NRIP1: variants seen among roughly 807,000 people sequenced by gnomAD.
NRIP1 encodes the protein nuclear receptor interacting protein 1, also known as nuclear receptor-interacting protein 1.
Under a neutral mutation model 75.0 loss-of-function variants are expected in NRIP1, and 28 were observed. The observed-to-expected ratio is 0.37, with a 90% CI of 0.28 to 0.51. The LOEUF is 0.51. Ranked by LOEUF, NRIP1 falls within the 20% of genes least tolerant of loss-of-function variation. The pLI is 0.92. For synonymous variants in NRIP1, 526 were observed against 487.6 expected (o/e 1.08, Z -1.04); for missense variants, 1,435 against 1,343.7 (o/e 1.07, Z -1.06).
At chr21:15,040,279 G>C (rs1363225855) in intron 2 of NRIP1, among the ~76,000 whole-genome samples, 2 of 151,664 alleles carry the variant, frequency 1.3e-5, no homozygotes, top group Non-Finnish European at 2.9e-5. Flanking sequence ...GCAGATACTG[G>C]GTTAAATCAA....
In NRIP1 at chr21:14,967,553, T is replaced by C. The variant is rs796052182; in HGVS notation, c.640A>G (p.Arg214Gly). The C allele has an allele frequency of 1.1e-5, 17 of 1,614,072 alleles. No homozygotes were observed. In the East Asian group the frequency reaches 2.4e-4, roughly 23 times the overall value. The stretch of plus-strand genomic sequence containing the variant: ...ACATGATGAGGAGACTCTGCAAACC[T>C]ATCTCTGATGAGGTTTTTAGTCACA... ...PDVTKNLIRD[R>G]FAESPHHVGQ... The change falls in exon 4 of 4, where the codon AGG becomes GGG. Residue 214 changes from arginine to glycine, a missense_variant. Physicochemically the swap from Arg to Gly is moderately radical, Grantham distance 125 (BLOSUM62 -2). Coordinates refer to ENST00000318948, the MANE Select transcript of NRIP1 (RefSeq NM_003489.4).
Position 15,039,037 on chromosome 21 carries a change from A to G in NRIP1, c.-458+4458T>C, listed in dbSNP as rs149502163. On this transcript the variant is annotated intron_variant, in intron 2 of 3. Transcript: ENST00000318948. ...AGTGCTTGGAAAAAGAGAACAGCAT[A>G]AAGGAGAGAGGAAAAAGAGGAGGCT... 6.6e-4 allele frequency among the ~76,000 whole-genome samples: 101 copies of G among 152,250 alleles called. 2 individuals are homozygous for G. The East Asian group carries it at 0.018, about 26-fold the overall frequency.
At chr21:15,041,374 TG>T (rs1198131150) in intron 2 of NRIP1, among the ~76,000 whole-genome samples, 1 of 152,124 alleles carries the variant, frequency 6.6e-6, no homozygotes, top group Non-Finnish European at 1.5e-5. Context: ...ATAAGCCTTC[TG>T]GAGTAGGGTG....
Position 14,962,346 on chromosome 21 carries a change from G to C in NRIP1, c.*2370C>G, listed in dbSNP as rs959095475. On this transcript the variant is annotated 3_prime_UTR_variant, in exon 4 of 4. Transcript: ENST00000318948. ...TCAGAACAGCATTCTTCGTGGTCAT[G>C]TTTATTTAAGTATTACATATTCTCA... 1 of 152,082 alleles carries C rather than the reference G, an allele frequency of 6.6e-6. No individual in the cohort carries two copies. The highest frequency in any genetic ancestry group is 6.6e-5 in the Admixed American group (1 of 15,192). 9.4% of individuals were successfully genotyped at this position (152,082 alleles called of 1,614,324 possible).
chr21:15,009,289 A>G (rs2088046602), intron 3 of NRIP1, among the ~76,000 whole-genome samples: 1 of 152,158 alleles, frequency 6.6e-6, no homozygotes, highest in Non-Finnish European at 1.5e-5. Flanking sequence ...TGAATTTACC[A>G]TACAAGGAGT....
chr21:15,008,816 T>A (rs916114814), intron 3 of NRIP1, among the ~76,000 whole-genome samples: 1 of 152,208 alleles, frequency 6.6e-6, no homozygotes, highest in Non-Finnish European at 1.5e-5. Context: ...AAGAAAAGAC[T>A]ACTTTCATAC....
chr21:15,030,945 A>AAGGCGCTCG (rs2088652109), intron 2 of NRIP1, among the ~76,000 whole-genome samples: 36 of 66,306 alleles, frequency 5.4e-4, no homozygotes, highest in South Asian at 2.9e-3. Context: ...GAAGGCACTC[A>AAGGCGCTCG]GAGGATCACC....
chr21:15,018,211 G>T (rs1335402203), intron 2 of NRIP1, among the ~76,000 whole-genome samples: 2 of 152,028 alleles, frequency 1.3e-5, no homozygotes, highest in Admixed American at 1.3e-4. Flanking sequence ...TAATAATGTG[G>T]TAAAATTATC....
chr21:15,063,823 A>T (rs1305043538), intron 1 of NRIP1, among the ~76,000 whole-genome samples: 2 of 152,200 alleles, frequency 1.3e-5, no homozygotes, highest in South Asian at 2.1e-4. Flanking sequence ...ATCATTCCGT[A>T]CTTCTTTTAC....
At chr21:14,975,596 C>T (rs1420286737) in intron 3 of NRIP1, among the ~76,000 whole-genome samples, 5 of 134,462 alleles carry the variant, frequency 3.7e-5, no homozygotes, top group Non-Finnish European at 7.6e-5. Flanking sequence ...CGCATTCTAG[C>T]CTGCGTGACA....
At chr21:15,023,751 C>CA (rs1600885249) in intron 2 of NRIP1, among the ~76,000 whole-genome samples, 1 of 152,052 alleles carries the variant, frequency 6.6e-6, no homozygotes, top group African/African-American at 2.4e-5. Flanking sequence ...AAAATCCTAC[C>CA]ACCAAAAGAA....
intron 2 of NRIP1, among the ~76,000 whole-genome samples, chr21:15,022,499 T>A (rs1391814893): frequency 6.6e-6 from 1 of 152,292 alleles, no homozygotes; most frequent in East Asian, 1.9e-4. Context: ...TGTTTACCTA[T>A]GTAAAAAACT....
At chr21:15,050,361 C>T in intron 1 of NRIP1, 1 of 214,518 alleles carries the variant, frequency 4.7e-6, no homozygotes, top group Non-Finnish European at 9.5e-6. Context: ...CTGCCTATCC[C>T]AAAAGAATCA....
intron 2 of NRIP1, among the ~76,000 whole-genome samples, chr21:15,030,459 T>C (rs1307570620): frequency 6.6e-6 from 1 of 152,228 alleles, no homozygotes. Context: ...TCATGCTGCA[T>C]GCCTAGACAA....
chr21:14,984,919 T>A (rs1171680749), intron 3 of NRIP1, among the ~76,000 whole-genome samples: 1 of 152,214 alleles, frequency 6.6e-6, no homozygotes, highest in East Asian at 1.9e-4. Context: ...GGTATGCACA[T>A]TATTTTTAGA....
intron 3 of NRIP1, among the ~76,000 whole-genome samples, chr21:14,972,571 T>C (rs1044563913): frequency 1.3e-5 from 2 of 152,234 alleles, no homozygotes; most frequent in Non-Finnish European, 2.9e-5. Flanking sequence ...TAAATATAAC[T>C]TAAGAATGTT....
chr21:15,020,465 T>C (rs941284329), intron 2 of NRIP1, among the ~76,000 whole-genome samples: 6 of 152,314 alleles, frequency 3.9e-5, no homozygotes, highest in African/African-American at 1.2e-4. Context: ...ATAGTCTGAA[T>C]TGTAAAAATT....
At chr21:14,998,245 C>T (rs1169630147) in intron 3 of NRIP1, among the ~76,000 whole-genome samples, 1 of 152,178 alleles carries the variant, frequency 6.6e-6, no homozygotes, top group African/African-American at 2.4e-5. Context: ...TTTGGATGGA[C>T]CTTCTCAGTC....
At chr21:15,057,629 A>C (rs1015299727) in intron 1 of NRIP1, among the ~76,000 whole-genome samples, 1 of 152,220 alleles carries the variant, frequency 6.6e-6, no homozygotes, top group African/African-American at 2.4e-5. Context: ...GTTGGGAGCA[A>C]GGTTTTTTAA....
Sources: gnomAD v4.1 joint callset for allele counts (sites outside exome capture counted in the v4.1 genomes callset) on GRCh38, gnomAD v4.1.1 for gene constraint, MANE v1.5 for transcripts, NCBI Gene and HGNC (gene_info 2026-07-23, HGNC 2026-07-21) for gene names.